PRKG1: variants seen among roughly 807,000 people sequenced by gnomAD.
PRKG1 encodes cGMP-dependent protein kinase 1.
Under a neutral mutation model 88.1 loss-of-function variants are expected in PRKG1, and 35 were observed. The ratio of observed to expected loss-of-function variants is 0.40; its 90% CI spans 0.30 to 0.53. PRKG1 has a LOEUF of 0.53. Among genes scored for constraint, PRKG1 ranks in the 20% least tolerant of loss-of-function variants. The pLI, the probability that PRKG1 is intolerant of heterozygous loss-of-function variation, is 0.59. For missense variants in PRKG1, 540 were observed against 839.8 expected, an observed-to-expected ratio of 0.64 and a Z score of 4.41; for synonymous variants, 303 against 292.5, an observed-to-expected ratio of 1.04 and a Z score of -0.37.
intron 3 of PRKG1, among the ~76,000 whole-genome samples, chr10:51,488,016 G>A (rs904136791): frequency 5.9e-5 from 9 of 152,030 alleles, no homozygotes; most frequent in African/African-American, 1.9e-4. Context: ...ACTGTATATC[G>A]ATAATACATG....
intron 1 of PRKG1, among the ~76,000 whole-genome samples, chr10:51,002,846 C>T (rs1842903112): frequency 6.6e-6 from 1 of 152,092 alleles, no homozygotes; most frequent in Admixed American, 6.6e-5. Flanking sequence ...TAATGCTATT[C>T]CTTGGCCTCT....
intron 3 of PRKG1, among the ~76,000 whole-genome samples, chr10:51,723,069 G>A (rs754092919): frequency 1.3e-5 from 2 of 152,172 alleles, no homozygotes; most frequent in Non-Finnish European, 2.9e-5. Context: ...AGAAAATTAT[G>A]TTAACCTGTT....
At chr10:52,272,726 AT>A (rs1320011216) in intron 12 of PRKG1, among the ~76,000 whole-genome samples, 1 of 152,056 alleles carries the variant, frequency 6.6e-6, no homozygotes, top group Non-Finnish European at 1.5e-5. Flanking sequence ...ACATAGCAAA[AT>A]ATATACATGG....
In PRKG1 at chr10:52,104,591, G is replaced by T. The variant is rs141523113; in HGVS notation, c.936-29249G>T. On this transcript the variant is annotated intron_variant, in intron 7 of 17. Transcript: ENST00000373980. ...AAACTTTCAACTATTTGGCACATAGGTTTACCTCAAAAGATGGAATACATA... is the reference window on the plus strand; with the variant it reads ...AAACTTTCAACTATTTGGCACATAGTTTTACCTCAAAAGATGGAATACATA... 1.0e-2 allele frequency among the ~76,000 whole-genome samples: 1,518 copies of T among 152,160 alleles called. 20 individuals carry two copies. Among genetic ancestry groups the T allele is most frequent in the African/African-American group, 0.031 (1,294 of 41,512 alleles).
In PRKG1 at chr10:52,026,165, T is replaced by C. The variant is rs147943900; in HGVS notation, c.763-28319T>C. On this transcript the variant is annotated intron_variant, in intron 5 of 17. Coordinates refer to ENST00000373980, the MANE Select transcript of PRKG1 (RefSeq NM_006258.4). Reference sequence around the variant, plus strand: ...TTTTATTATAAACATTTTAGACTTATTTTTATCTATGAAAAAATACCGTGG... The same window carrying C: ...TTTTATTATAAACATTTTAGACTTACTTTTATCTATGAAAAAATACCGTGG... Among the ~76,000 whole-genome samples the C allele has an allele frequency of 4.4e-3, 669 of 152,216 alleles. 8 individuals are homozygous for C. Among genetic ancestry groups the C allele is most frequent in the African/African-American group, 0.015 (642 of 41,546 alleles).
intron 4 of PRKG1, among the ~76,000 whole-genome samples, chr10:51,887,181 C>T (rs1197866769): frequency 6.6e-6 from 1 of 152,082 alleles, no homozygotes; most frequent in South Asian, 2.1e-4. Context: ...GACAGGGTTT[C>T]GCCATATTGA....
chr10:51,387,389 A>G (rs1467437107), intron 2 of PRKG1, among the ~76,000 whole-genome samples: 1 of 150,366 alleles, frequency 6.7e-6, no homozygotes, highest in African/African-American at 2.4e-5. Flanking sequence ...TAATATATAT[A>G]TTTAAAGAAG....
At chr10:51,886,884 A>C (rs950923485) in intron 4 of PRKG1, among the ~76,000 whole-genome samples, 2 of 152,200 alleles carry the variant, frequency 1.3e-5, no homozygotes, top group African/African-American at 4.8e-5. Flanking sequence ...AGCCATCCTT[A>C]TCTGCAAGCT....
At chr10:51,320,417 C>A (rs1230699247) in intron 2 of PRKG1, 1 of 155,672 alleles carries the variant, frequency 6.4e-6, no homozygotes, top group African/African-American at 2.4e-5. Flanking sequence ...CTTCTGCTCC[C>A]AGAACTAGGA....
intron 2 of PRKG1, among the ~76,000 whole-genome samples, chr10:51,257,690 A>AT (rs113631718): frequency 0.023 from 3,312 of 146,320 alleles, 104 homozygotes; most frequent in African/African-American, 0.073. Context: ...AAGAAAGCTC[A>AT]TTTTTTTTTT....
At chr10:52,185,931 C>G (rs1006489611) in intron 9 of PRKG1, among the ~76,000 whole-genome samples, 1 of 152,144 alleles carries the variant, frequency 6.6e-6, no homozygotes, top group East Asian at 1.9e-4. Context: ...GGGGCTGGCC[C>G]CTGAAACTAT....
intron 7 of PRKG1, among the ~76,000 whole-genome samples, chr10:52,072,853 C>A (rs139595367): frequency 6.6e-6 from 1 of 152,128 alleles, no homozygotes; most frequent in Non-Finnish European, 1.5e-5. Flanking sequence ...TCCAGTCTTC[C>A]GCACTTTTTA....
At chr10:51,553,902 G>A (rs868750035) in intron 3 of PRKG1, among the ~76,000 whole-genome samples, 46 of 106,124 alleles carry the variant, frequency 4.3e-4, no homozygotes, top group Non-Finnish European at 5.7e-4. Context: ...ATATATGTAT[G>A]TATTAGATAC....
At chr10:51,976,014 G>T (rs957135926) in intron 5 of PRKG1, among the ~76,000 whole-genome samples, 1 of 151,928 alleles carries the variant, frequency 6.6e-6, no homozygotes, top group African/African-American at 2.4e-5. Context: ...ATATCAAAAG[G>T]TCTTAAACAT....
intron 8 of PRKG1, among the ~76,000 whole-genome samples, chr10:52,159,767 A>AT (rs1312487655): frequency 3.3e-5 from 5 of 151,782 alleles, no homozygotes; most frequent in South Asian, 4.2e-4. Flanking sequence ...GGAAGACAGG[A>AT]TTTTTTTAAA....
intron 2 of PRKG1, among the ~76,000 whole-genome samples, chr10:51,248,772 C>T (rs1839356241): frequency 6.6e-6 from 1 of 151,412 alleles, no homozygotes; most frequent in Admixed American, 6.6e-5. Context: ...ATAACAAATT[C>T]TATGTCATGT....
chr10:52,027,502 A>G (rs767881505), intron 5 of PRKG1, among the ~76,000 whole-genome samples: 1 of 152,220 alleles, frequency 6.6e-6, no homozygotes, highest in Non-Finnish European at 1.5e-5. Context: ...TTTCTAATAT[A>G]CAAGCCAAGA....
At chr10:52,114,848 G>A (rs556518044) in intron 7 of PRKG1, among the ~76,000 whole-genome samples, 13 of 152,186 alleles carry the variant, frequency 8.5e-5, no homozygotes, top group African/African-American at 1.7e-4. Context: ...GCACCAGCAC[G>A]TCAGCATTCA....
At chr10:51,434,624 T>C (rs1045511552) in intron 2 of PRKG1, among the ~76,000 whole-genome samples, 8 of 152,064 alleles carry the variant, frequency 5.3e-5, no homozygotes, top group Admixed American at 4.6e-4. Flanking sequence ...TAAACAAGCT[T>C]GAGGACAATC....
Sources: gnomAD v4.1 joint callset for allele counts (sites outside exome capture counted in the v4.1 genomes callset) on GRCh38, gnomAD v4.1.1 for gene constraint, MANE v1.5 for transcripts, NCBI Gene and HGNC (gene_info 2026-07-23, HGNC 2026-07-21) for gene names.